Variants in TTLL11 observed in about 807,000 individuals in gnomAD.
TTLL11 encodes the protein tubulin tyrosine ligase like 11.
A neutral mutation model predicts 51.7 loss-of-function variants in TTLL11; 42 were observed. The ratio of observed to expected loss-of-function variants is 0.81; its 90% confidence interval spans 0.64 to 1.05. The LOEUF is 1.05. TTLL11 is among the 50% of genes least tolerant of loss of function. TTLL11 has a pLI of 0.00. For missense variants in TTLL11, 799 were observed against 940.4 expected (o/e 0.85, Z 1.97); for synonymous variants, 381 against 383.5 (o/e 0.99, Z 0.08).
chr9:121,986,592 G>A (rs749139885), intron 4 of TTLL11, among the ~76,000 whole-genome samples: 2 of 152,086 alleles, frequency 1.3e-5, no homozygotes, highest in South Asian at 4.2e-4. Context: ...AAGGCCAGGG[G>A]TCCAGTTTCT....
At chr9:121,887,124 T>C (rs942095366) in intron 6 of TTLL11, among the ~76,000 whole-genome samples, 7 of 152,170 alleles carry the variant, frequency 4.6e-5, no homozygotes, top group Non-Finnish European at 1.5e-5. Context: ...GCTCTAGAGA[T>C]AATAGTATGT....
In TTLL11 at chr9:121,995,520, G is replaced by C. The variant is rs537624882; in HGVS notation, c.694-5750C>G. Among the ~76,000 whole-genome samples, 1 of 152,234 alleles carries C rather than the reference G, an allele frequency of 6.6e-6. No homozygotes were observed. The highest frequency in any genetic ancestry group is 2.1e-4 in the South Asian group (1 of 4,824). On this transcript the variant is annotated intron_variant, in intron 3 of 8. Coordinates refer to ENST00000321582, the MANE Select transcript of TTLL11 (RefSeq NM_001139442.2). The surrounding 1 kb of genome is among the most constrained non-coding windows in gnomAD (Gnocchi z 4.4). ...AAAGGCGAGAGAGGAAAGGGTCATG[G>C]GTGAGCTCACGGTTTGGGACTTCAG... is the stretch of plus-strand genomic sequence containing the variant.
chr9:122,033,070 G>C (rs1844600079), intron 2 of TTLL11, among the ~76,000 whole-genome samples: 1 of 152,122 alleles, frequency 6.6e-6, no homozygotes, highest in Non-Finnish European at 1.5e-5. Flanking sequence ...CAAAGCCCTG[G>C]AATTACAGGT....
At chr9:121,949,294 G>A (rs1260762339) in intron 6 of TTLL11, among the ~76,000 whole-genome samples, 1 of 152,172 alleles carries the variant, frequency 6.6e-6, no homozygotes, top group African/African-American at 2.4e-5. Flanking sequence ...CTTCAGGGCT[G>A]ATTTGGGGAG....
intron 1 of TTLL11, among the ~76,000 whole-genome samples, chr9:122,090,917 G>A (rs992806194): frequency 2.0e-5 from 3 of 152,180 alleles, no homozygotes; most frequent in South Asian, 2.1e-4. Context: ...ATTTCAGGAT[G>A]CAGCAGCAAT....
At chr9:121,974,358 T>C (rs182675401) in intron 5 of TTLL11, among the ~76,000 whole-genome samples, 8 of 152,316 alleles carry the variant, frequency 5.3e-5, no homozygotes, top group Admixed American at 1.3e-4. Flanking sequence ...AAATGATACA[T>C]GCTCACTGCA....
At chr9:121,975,694 A>T (rs942080578) in intron 4 of TTLL11, among the ~76,000 whole-genome samples, 2 of 152,208 alleles carry the variant, frequency 1.3e-5, no homozygotes, top group African/African-American at 4.8e-5. Flanking sequence ...CCTAGGTGAC[A>T]GAATGAGACT....
At chr9:122,092,248 C>T (rs1304601695) in intron 1 of TTLL11, among the ~76,000 whole-genome samples, 1 of 152,140 alleles carries the variant, frequency 6.6e-6, no homozygotes, top group Admixed American at 6.5e-5. Flanking sequence ...AGACCCTAGG[C>T]CTGTCTGCCT....
intron 6 of TTLL11, among the ~76,000 whole-genome samples, chr9:121,881,014 G>C (rs1204762331): frequency 6.6e-6 from 1 of 152,148 alleles, no homozygotes; most frequent in Non-Finnish European, 1.5e-5. Context: ...CACAGTCCCT[G>C]GGAAAAGCCT....
At chr9:121,869,132 C>G (rs1838266870) in intron 7 of TTLL11, among the ~76,000 whole-genome samples, 1 of 152,224 alleles carries the variant, frequency 6.6e-6, no homozygotes, top group Non-Finnish European at 1.5e-5. Context: ...CTCCCCCACC[C>G]TGCCCTACCT....
rs1311342837 is a variant in TTLL11, at chr9:121,860,329, T to C, written c.1840+8A>G. The stretch of plus-strand genomic sequence containing the variant: ...CCACAGGCCATGGCAGAGGCATTTG[T>C]CAAATACCTGAGTCCCGCTGGTCCA... On this transcript the variant is annotated splice_region_variant and intron_variant, in intron 8 of 8. Coordinates refer to ENST00000321582, the MANE Select transcript of TTLL11 (RefSeq NM_001139442.2). 8 of 1,547,298 alleles carry C rather than the reference T, an allele frequency of 5.2e-6. No homozygotes were observed. The highest frequency in any genetic ancestry group is 6.1e-6 in the Non-Finnish European group (7 of 1,143,514).
intron 6 of TTLL11, among the ~76,000 whole-genome samples, chr9:121,958,673 T>C (rs987291917): frequency 3.9e-5 from 6 of 152,200 alleles, no homozygotes; most frequent in African/African-American, 1.4e-4. Flanking sequence ...TCCTAAAGCC[T>C]AAAGCTTGTG....
chr9:122,037,926 G>A (rs956015486), intron 2 of TTLL11, among the ~76,000 whole-genome samples: 9 of 152,098 alleles, frequency 5.9e-5, no homozygotes, highest in Non-Finnish European at 1.3e-4. Context: ...CCTGTATAAC[G>A]TATGGCTATT....
chr9:122,037,372 C>T (rs1323693695), intron 2 of TTLL11, among the ~76,000 whole-genome samples: 1 of 152,116 alleles, frequency 6.6e-6, no homozygotes, highest in Non-Finnish European at 1.5e-5. Flanking sequence ...GTAACAAAAC[C>T]CTTTCTCCTT....
rs550919008 is a variant in TTLL11 at position 121,867,021 on chromosome 9, G to C, written c.1733+3476C>G. Among the ~76,000 whole-genome samples the C allele has an allele frequency of 1.1e-4, 17 of 152,302 alleles. No individual in the cohort carries two copies. In the East Asian group the frequency reaches 3.3e-3, roughly 29 times the overall value. On this transcript the variant is annotated intron_variant, in intron 7 of 8. Coordinates refer to ENST00000321582, the MANE Select transcript of TTLL11 (RefSeq NM_001139442.2). ...AAGCCTATCACATAGAGACAGATTT[G>C]TGGCTATATTTTTGACCTCGCCTGG...
intron 6 of TTLL11, among the ~76,000 whole-genome samples, chr9:121,958,409 C>T (rs1842090962): frequency 6.6e-6 from 1 of 152,210 alleles, no homozygotes; most frequent in Non-Finnish European, 1.5e-5. Context: ...TAACCACCTT[C>T]AAGTAAAAAT....
chr9:121,970,066 A>G (rs966121557), intron 6 of TTLL11, among the ~76,000 whole-genome samples: 1 of 152,256 alleles, frequency 6.6e-6, no homozygotes, highest in African/African-American at 2.4e-5. Flanking sequence ...GTTAGCTATT[A>G]TCATATATCT....
chr9:122,027,049 G>A (rs1255421945), intron 3 of TTLL11, among the ~76,000 whole-genome samples: 2 of 152,184 alleles, frequency 1.3e-5, no homozygotes, highest in South Asian at 2.1e-4. Context: ...CAGGAAGCAT[G>A]ATGGTGGCAC....
chr9:122,007,362 G>A (rs528450399), intron 3 of TTLL11, among the ~76,000 whole-genome samples: 73 of 151,680 alleles, frequency 4.8e-4, no homozygotes, highest in Admixed American at 7.2e-4. Flanking sequence ...GGTGGCGGAC[G>A]CCTGTAGGAG....
Sources: allele counts gnomAD v4.1 joint callset (sites outside exome capture counted in the v4.1 genomes callset), GRCh38; gene constraint gnomAD v4.1.1; non-coding constraint Gnocchi (gnomAD v3.1); transcripts MANE v1.5; gene names NCBI Gene and HGNC (gene_info 2026-07-23, HGNC 2026-07-21).